COL18A1: variants seen among roughly 807,000 people sequenced by gnomAD.
The protein encoded by COL18A1 is collagen type XVIII alpha 1 chain.
COL18A1 carries 133 observed loss-of-function variants against 168.0 expected under a neutral mutation model. The ratio of observed to expected loss-of-function variants is 0.79; its 90% CI spans 0.69 to 0.91. The LOEUF (loss-of-function observed/expected upper bound fraction) is 0.91, where lower values mean the gene tolerates loss of function less well. Ranked by LOEUF, COL18A1 falls within the 40% of genes least tolerant of loss-of-function variation. COL18A1 has a pLI of 0.00. For synonymous variants in COL18A1, 949 were observed against 809.0 expected, an observed-to-expected ratio of 1.17 and a Z score of -2.94; for missense variants, 2,126 against 1,925.4, an observed-to-expected ratio of 1.10 and a Z score of -1.95.
chr21:45,493,818 G>T, intron 26 of COL18A1: 1 of 555,042 alleles, frequency 1.8e-6, no homozygotes, highest in Non-Finnish European at 3.2e-6. Flanking sequence ...CCCTGCTGAG[G>T]GGAGGTTCTC....
In COL18A1 at chr21:45,512,700, C is replaced by A. The variant is rs17255281; in HGVS notation, c.*302C>A. 7.9e-3 allele frequency: 3,692 copies of A among 469,388 alleles called. 17 individuals carry two copies. Among genetic ancestry groups the A allele is most frequent in the Middle Eastern group, 0.018 (29 of 1,628 alleles). 29.1% of individuals were successfully genotyped at this position (469,388 alleles called of 1,614,324 possible). ...TGTGCAACCTCTTGGCCTGATCAGA[C>A]CACGGCTCGATTTCTCCAGGATTTC... On this transcript the variant is annotated 3_prime_UTR_variant, in exon 42 of 42. Coordinates refer to ENST00000651438, the MANE Select transcript of COL18A1 (RefSeq NM_001379500.1).
chr21:45,435,316 C>T (rs540858899), intron 2 of COL18A1, among the ~76,000 whole-genome samples: 13 of 31,770 alleles, frequency 4.1e-4, no homozygotes, highest in Non-Finnish European at 6.1e-4. Context: ...TGGGGGTGGG[C>T]GGAGGGAGGA....
At chr21:45,446,018 A>G (rs2034496881) in intron 2 of COL18A1, among the ~76,000 whole-genome samples, 1 of 152,208 alleles carries the variant, frequency 6.6e-6, no homozygotes, top group Non-Finnish European at 1.5e-5. Context: ...CTTTTGCCAA[A>G]TCCAAGGTTA....
Position 45,429,469 on chromosome 21 carries a change from A to G in COL18A1, c.106+23996A>G, listed in dbSNP as rs193092016. Among the ~76,000 whole-genome samples the G allele has an allele frequency of 1.5e-4, 23 of 152,290 alleles. No homozygotes were observed. In the East Asian group the frequency reaches 4.2e-3, roughly 28 times the overall value. The stretch of plus-strand genomic sequence containing the variant: ...GGACGTTGATTGGCAGTGCCCGCCC[A>G]TTCCATCATTCAGTCACCCACTGTG... On this transcript the variant is annotated intron_variant, in intron 2 of 41. Transcript: ENST00000651438.
At chr21:45,459,768 A>G (rs1014907184) in intron 2 of COL18A1, among the ~76,000 whole-genome samples, 1 of 151,934 alleles carries the variant, frequency 6.6e-6, no homozygotes, top group African/African-American at 2.4e-5. Context: ...AGCTGCCAAG[A>G]GTGAGCGAGC....
In COL18A1 at chr21:45,439,585, G is replaced by A. The variant is rs548219355; in HGVS notation, c.107-28657G>A. On this transcript the variant is annotated intron_variant, in intron 2 of 41. Coordinates refer to ENST00000651438, the MANE Select transcript of COL18A1 (RefSeq NM_001379500.1). ...TGGCTCCCCCTGGCGGCCGGTCCCTGGCTTGACGGAAGCGCGTCGCGCGGG... is the reference window on the plus strand; with the variant it reads ...TGGCTCCCCCTGGCGGCCGGTCCCTAGCTTGACGGAAGCGCGTCGCGCGGG... 2.0e-5 allele frequency among the ~76,000 whole-genome samples: 3 copies of A among 152,392 alleles called. No homozygotes were observed. The East Asian group carries it at 5.8e-4, about 29-fold the overall frequency.
At chr21:45,464,725 T>G (rs1266602152) in intron 2 of COL18A1, among the ~76,000 whole-genome samples, 1 of 152,152 alleles carries the variant, frequency 6.6e-6, no homozygotes, top group African/African-American at 2.4e-5. Flanking sequence ...AAGCCCCTTC[T>G]TCCCCCTTCA....
At position 45,443,065 on chromosome 21, in the gene COL18A1, G is replaced by T. The variant is rs534229475; in HGVS notation, c.107-25177G>T. The stretch of plus-strand genomic sequence containing the variant: ...GGCGGTGCTGGTGTGGGCGGTGGTG[G>T]TGCTGGTGTGGGTGGTGGTGGTGCT... On this transcript the variant is annotated intron_variant, in intron 2 of 41. Transcript: ENST00000651438. The surrounding 1 kb of genome is among the most constrained non-coding windows in gnomAD (Gnocchi z 5.2). Among the ~76,000 whole-genome samples the T allele has an allele frequency of 7.2e-6, 1 of 138,684 alleles. No homozygotes were observed. The highest frequency in any genetic ancestry group is 3.1e-5 in the African/African-American group (1 of 32,624). 91.0% of individuals were successfully genotyped at this position (138,684 alleles called of 152,430 possible).
At chr21:45,496,927 G>C (rs1024021333) in intron 30 of COL18A1, 123 bp from the exon 31 acceptor site, 4 of 733,184 alleles carry the variant, frequency 5.5e-6, no homozygotes, top group Admixed American at 1.9e-5. Context: ...GTCTCTGACT[G>C]GGGGAGGCTG....
chr21:45,510,115 C>A lies in COL18A1; in HGVS notation c.3547C>A (p.Arg1183Ser). Reference protein sequence around the residue: ...SPLSGGMRGIRGADFQCFQQA... With the variant: ...SPLSGGMRGISGADFQCFQQA... Reference sequence around the variant, plus strand: ...CCTGTCAGGCGGCATGCGGGGCATCCGCGGGGCCGACTTCCAGTGCTTCCA... The same window carrying A: ...CCTGTCAGGCGGCATGCGGGGCATCAGCGGGGCCGACTTCCAGTGCTTCCA... The change falls in exon 40 of 42, where the codon CGC becomes AGC. Residue 1183 changes from arginine (R) to serine (S), a missense_variant. Physicochemically the swap from Arg to Ser is moderately radical, Grantham distance 110 (BLOSUM62 -1). Coordinates refer to ENST00000651438, the MANE Select transcript of COL18A1 (RefSeq NM_001379500.1). 3 of 1,596,284 alleles carry A rather than the reference C, an allele frequency of 1.9e-6. No homozygotes were observed. The highest frequency in any genetic ancestry group is 4.6e-5 in the East Asian group (2 of 43,820).
Position 45,482,825 on chromosome 21 carries a change from C to G in COL18A1, c.1701+4C>G. Reference sequence around the variant, plus strand: ...AGCAGGCGCCCCAGGACATAAGGTACAAGCAGAATCCCTGGCACATCAGTC... The same window carrying G: ...AGCAGGCGCCCCAGGACATAAGGTAGAAGCAGAATCCCTGGCACATCAGTC... On this transcript the variant is annotated splice_donor_region_variant and intron_variant, in intron 15 of 41. Transcript: ENST00000651438. 6.2e-7 allele frequency: 1 copy of G among 1,614,162 alleles called. No homozygotes were observed. The highest frequency in any genetic ancestry group is 8.5e-7 in the Non-Finnish European group (1 of 1,180,024).
At chr21:45,426,652 C>G (rs554108080) in intron 2 of COL18A1, among the ~76,000 whole-genome samples, 2 of 152,228 alleles carry the variant, frequency 1.3e-5, no homozygotes, top group Non-Finnish European at 2.9e-5. Flanking sequence ...GGGACAGCAG[C>G]GACACTGCAT....
chr21:45,405,433 G>A lies in COL18A1; in HGVS notation c.66G>A (p.Leu22=). The change falls in exon 2 of 42, where the codon CTG becomes CTA. Residue 22 remains leucine, a synonymous_variant. Transcript: ENST00000651438. ...RRRLLDVLAP[L]VLLLGVRAAS... The stretch of plus-strand genomic sequence containing the variant: ...GCCTCCTGGACGTGCTCGCGCCCCT[G>A]GTCCTGCTGCTCGGGGTCCGCGCGG... 2 of 1,375,022 alleles carry A rather than the reference G, an allele frequency of 1.5e-6. No homozygotes were observed. Among genetic ancestry groups the A allele is most frequent in the Non-Finnish European group, 1.9e-6 (2 of 1,056,258 alleles). 85.2% of individuals were successfully genotyped at this position (1,375,022 alleles called of 1,614,324 possible).
In COL18A1 at chr21:45,487,472, C is replaced by A; in HGVS notation, c.1859C>A (p.Pro620His). 1 of 1,613,130 alleles carries A rather than the reference C, an allele frequency of 6.2e-7. No homozygotes were observed. The highest frequency in any genetic ancestry group is 8.5e-7 in the Non-Finnish European group (1 of 1,179,988). The change falls in exon 17 of 42, where the codon CCC becomes CAC. Residue 620 changes from proline (P) to histidine (H), a missense_variant. Pro to His is a moderately conservative substitution (Grantham distance 77). Coordinates refer to ENST00000651438, the MANE Select transcript of COL18A1 (RefSeq NM_001379500.1). ...GATGACATGGAAGGCTCCGGGGGGC[C>A]CTTCTGGTCAACAGCCCGAAGCGCT... ...GFDDMEGSGG[P>H]FWSTARSADG...
rs1259150751 is a variant in COL18A1, at chr21:45,473,531, C to T, written c.652-364C>T. On this transcript the variant is annotated intron_variant, in intron 3 of 41. Coordinates refer to ENST00000651438, the MANE Select transcript of COL18A1 (RefSeq NM_001379500.1). This position sits in a 1 kb window ranked among gnomAD's most constrained non-coding sequence, Gnocchi z 4.0. ...GCTCCCGGGACTTGGGGTTGGGGGA[C>T]TTGACCTGCAGCCCCTCGAATCTGC... Among the ~76,000 whole-genome samples, 2 of 152,138 alleles carry T rather than the reference C, an allele frequency of 1.3e-5. No individual in the cohort carries two copies. Among genetic ancestry groups the T allele is most frequent in the Non-Finnish European group, 2.9e-5 (2 of 68,006 alleles).
At chr21:45,448,957 G>A (rs1353196720) in intron 2 of COL18A1, among the ~76,000 whole-genome samples, 1 of 152,218 alleles carries the variant, frequency 6.6e-6, no homozygotes, top group Admixed American at 6.5e-5. Context: ...CCACCTGCCT[G>A]CTCGTGTTTA....
Position 45,492,521 on chromosome 21 carries a change from T to C in COL18A1, c.2158-14T>C, listed in dbSNP as rs1360485150. On this transcript the variant is annotated splice_polypyrimidine_tract_variant and intron_variant, in intron 22 of 41. Transcript: ENST00000651438. Reference sequence around the variant, plus strand: ...GGCTCTTTGTTTCCGATTTTTCCTTTTGCTCGTGGACAGGGATCCGTCCTG... The same window carrying C: ...GGCTCTTTGTTTCCGATTTTTCCTTCTGCTCGTGGACAGGGATCCGTCCTG... 6.2e-7 allele frequency: 1 copy of C among 1,613,380 alleles called. No homozygotes were observed. The highest frequency in any genetic ancestry group is 1.3e-5 in the African/African-American group (1 of 74,940).
At chr21:45,489,956 GCCCCACACCTCCTCCCCCACAC>G (rs1290459587) in intron 19 of COL18A1, among the ~76,000 whole-genome samples, 7 of 26,280 alleles carry the variant, frequency 2.7e-4, no homozygotes, top group Non-Finnish European at 3.4e-4. Flanking sequence ...ACTTCCCCCT[GCCCCACACCTCCTCCCCCACAC>G]CCTCCCCCAC....
At chr21:45,434,733 C>T (rs1474536833) in intron 2 of COL18A1, among the ~76,000 whole-genome samples, 1 of 152,234 alleles carries the variant, frequency 6.6e-6, no homozygotes, top group Non-Finnish European at 1.5e-5. Context: ...TCTGGGCTGA[C>T]TGGCAGTGGG....
Sources: gnomAD v4.1 joint callset for allele counts (sites outside exome capture counted in the v4.1 genomes callset) on GRCh38, gnomAD v4.1.1 for gene constraint, Gnocchi (gnomAD v3.1) non-coding constraint, MANE v1.5 for transcripts, NCBI Gene and HGNC (gene_info 2026-07-23, HGNC 2026-07-21) for gene names.